FAM171B: variants seen among roughly 807,000 people sequenced by gnomAD.
The protein encoded by FAM171B is protein FAM171B.
Under a neutral mutation model 75.6 loss-of-function variants are expected in FAM171B, and 19 were observed. The ratio of observed to expected loss-of-function variants is 0.25; its 90% confidence interval spans 0.18 to 0.37. The LOEUF (loss-of-function observed/expected upper bound fraction) is 0.37, where lower values mean the gene tolerates loss of function less well. FAM171B is among the 10% of genes least tolerant of loss of function. The pLI, the probability that FAM171B is intolerant of heterozygous loss-of-function variation, is 1.00. For synonymous variants in FAM171B, 367 were observed against 361.7 expected (o/e 1.01, Z -0.17); for missense variants, 848 against 982.4 (o/e 0.86, Z 1.83).
chr2:186,751,389 A>G, intron 5 of FAM171B, 85 bp downstream of exon 5: 1 of 1,246,314 alleles, frequency 8.0e-7, no homozygotes, highest in South Asian at 2.4e-5. Context: ...AACTTGATAC[A>G]GCTCTAGTTT....
intron 6 of FAM171B, among the ~76,000 whole-genome samples, chr2:186,756,961 G>A (rs1690541520): frequency 1.3e-5 from 2 of 152,122 alleles, no homozygotes; most frequent in Non-Finnish European, 2.9e-5. Flanking sequence ...GGTCTGTAAA[G>A]GTCCTGTGTA....
In FAM171B at chr2:186,694,225, G is replaced by T. The variant is rs140891434; in HGVS notation, c.52G>T (p.Val18Leu). 6.0e-5 allele frequency: 96 copies of T among 1,610,406 alleles called. No homozygotes were observed. In the Middle Eastern group the frequency reaches 9.9e-4, roughly 17 times the overall value. Reference protein sequence around the residue: ...VPCTLLLGLAVVLLKARLVPA... With the variant: ...VPCTLLLGLALVLLKARLVPA... Reference sequence around the variant, plus strand: ...CTGCACCCTGCTTCTCGGCCTGGCCGTGGTGCTGCTGAAAGCGCGGCTGGT... The same window carrying T: ...CTGCACCCTGCTTCTCGGCCTGGCCTTGGTGCTGCTGAAAGCGCGGCTGGT... Residue 18 changes from valine (V) to leucine (L), a missense_variant, in exon 1 of 8, where the codon GTG becomes TTG. Physicochemically the swap from Val to Leu is conservative, Grantham distance 32 (BLOSUM62 1). Around this residue, in one of 3 missense-constraint regions of FAM171B, gnomAD observed 665 missense variants for 729.0 expected, o/e 0.91. Coordinates refer to ENST00000304698, the MANE Select transcript of FAM171B (RefSeq NM_177454.4).
intron 2 of FAM171B, among the ~76,000 whole-genome samples, chr2:186,741,662 C>G (rs1690289968): frequency 6.6e-6 from 1 of 152,042 alleles, no homozygotes; most frequent in Non-Finnish European, 1.5e-5. Context: ...AAATGATTAT[C>G]TTTAATATTG....
intron 1 of FAM171B, among the ~76,000 whole-genome samples, chr2:186,736,538 CTGTGTG>C (rs10660120): frequency 6.5e-5 from 8 of 122,978 alleles, no homozygotes; most frequent in African/African-American, 1.5e-4. Flanking sequence ...ATGTTTGTGG[CTGTGTG>C]TGTGTGTGTG....
chr2:186,754,556 G>C (rs1188998016), intron 6 of FAM171B, among the ~76,000 whole-genome samples: 2 of 152,080 alleles, frequency 1.3e-5, no homozygotes, highest in African/African-American at 4.8e-5. Flanking sequence ...ACCCTTTCCA[G>C]TATTTTCCTT....
At chr2:186,705,160 G>A (rs906494177) in intron 1 of FAM171B, among the ~76,000 whole-genome samples, 2 of 152,250 alleles carry the variant, frequency 1.3e-5, no homozygotes, top group Non-Finnish European at 2.9e-5. Flanking sequence ...CATAGGCAGA[G>A]AGTAGCAGCT....
rs534184415 is a variant in FAM171B at position 186,759,198 on chromosome 2, GT to G, written c.1013-1913del. The stretch of plus-strand genomic sequence containing the variant: ...TCACATTTTGTTTATCCATTCATCT[GT>G]TGATAGACACTTAGATCACTTTCAA... On this transcript the variant is annotated intron_variant, in intron 6 of 7. Transcript: ENST00000304698. 3.5e-4 allele frequency among the ~76,000 whole-genome samples: 54 copies of G among 152,236 alleles called. 1 individual carries two copies. The South Asian group carries it at 0.011, about 32-fold the overall frequency.
At chr2:186,706,759 C>G (rs190551221) in intron 1 of FAM171B, among the ~76,000 whole-genome samples, 22 of 152,312 alleles carry the variant, frequency 1.4e-4, no homozygotes, top group African/African-American at 4.8e-4. Context: ...ATGTTCCTAT[C>G]ATGGCTCTAA....
rs761807800 is a variant in FAM171B at position 186,694,128 on chromosome 2, G to T, written c.-46G>T. The stretch of plus-strand genomic sequence containing the variant: ...GCCCGCAGCCCTGGCGCCCGCCGCC[G>T]CCCGGAGCCCCGCAATATGCCGCCG... On this transcript the variant is annotated 5_prime_UTR_variant, in exon 1 of 8. Coordinates refer to ENST00000304698, the MANE Select transcript of FAM171B (RefSeq NM_177454.4). 2.8e-6 allele frequency: 4 copies of T among 1,452,330 alleles called. No homozygotes were observed. Among genetic ancestry groups the T allele is most frequent in the Non-Finnish European group, 3.6e-6 (4 of 1,111,442 alleles). The allele number at this position is 1,452,330 out of a possible 1,614,324, so 90.0% of individuals were successfully genotyped here.
chr2:186,733,125 C>G (rs554369487), intron 1 of FAM171B, among the ~76,000 whole-genome samples: 46 of 152,300 alleles, frequency 3.0e-4, no homozygotes, highest in African/African-American at 1.1e-3. Flanking sequence ...GACATGGCCT[C>G]TTACCATCTG....
intron 6 of FAM171B, among the ~76,000 whole-genome samples, chr2:186,759,083 C>T (rs1228174206): frequency 6.6e-6 from 1 of 152,092 alleles, no homozygotes; most frequent in African/African-American, 2.4e-5. Flanking sequence ...TTTCATTTAA[C>T]ACAATGTCCT....
At chr2:186,711,437 A>G (rs17406326) in intron 1 of FAM171B, among the ~76,000 whole-genome samples, 5,720 of 152,212 alleles carry the variant, frequency 0.038, 149 homozygotes, top group Non-Finnish European at 0.058. Flanking sequence ...ATATTTGATG[A>G]TGGAAATGGC....
chr2:186,702,168 T>C (rs543305576), intron 1 of FAM171B, among the ~76,000 whole-genome samples: 2 of 152,290 alleles, frequency 1.3e-5, no homozygotes, highest in South Asian at 4.1e-4. Context: ...TCATAGAGTG[T>C]ACTTACACAA....
intron 4 of FAM171B, among the ~76,000 whole-genome samples, chr2:186,748,772 T>C (rs1690409035): frequency 6.6e-6 from 1 of 152,204 alleles, no homozygotes; most frequent in African/African-American, 2.4e-5. Flanking sequence ...CTCAAATTAT[T>C]ATCTCAGGGT....
Position 186,723,973 on chromosome 2 carries a change from G to A in FAM171B, c.239-16255G>A, listed in dbSNP as rs186254958. 1.9e-3 allele frequency among the ~76,000 whole-genome samples: 291 copies of A among 152,326 alleles called. 1 individual carries two copies. Among genetic ancestry groups the A allele is most frequent in the African/African-American group, 6.6e-3 (276 of 41,566 alleles). On this transcript the variant is annotated intron_variant, in intron 1 of 7. Coordinates refer to ENST00000304698, the MANE Select transcript of FAM171B (RefSeq NM_177454.4). ...TATTTGAGGATACAGTAAATAAAAT[G>A]AGAATGTCCATGACCTTATAGAGTT...
At chr2:186,715,494 C>T (rs1186267904) in intron 1 of FAM171B, among the ~76,000 whole-genome samples, 1 of 152,178 alleles carries the variant, frequency 6.6e-6, no homozygotes, top group East Asian at 1.9e-4. Flanking sequence ...TGAGCCACCA[C>T]ACCTAGCTGG....
intron 6 of FAM171B, among the ~76,000 whole-genome samples, chr2:186,756,607 C>T (rs1690534049): frequency 1.3e-5 from 2 of 152,160 alleles, no homozygotes; most frequent in Non-Finnish European, 2.9e-5. Context: ...TCCACATGGC[C>T]TTTCCAGACA....
rs964301440 is a variant in FAM171B at position 186,760,189 on chromosome 2, C to G, written c.1013-924C>G. 1.8e-4 allele frequency among the ~76,000 whole-genome samples: 27 copies of G among 152,010 alleles called. 1 individual carries two copies. The highest frequency in any genetic ancestry group is 1.5e-3 in the Admixed American group (23 of 15,216). ...GCATTCATTTTTATGTTGAAATCATCCTAGTCAGCTTTTACTGCAGTAAAG... is the reference window on the plus strand; with the variant it reads ...GCATTCATTTTTATGTTGAAATCATGCTAGTCAGCTTTTACTGCAGTAAAG... On this transcript the variant is annotated intron_variant, in intron 6 of 7. Transcript: ENST00000304698.
intron 1 of FAM171B, among the ~76,000 whole-genome samples, chr2:186,697,700 C>T (rs1689602621): frequency 6.6e-6 from 1 of 152,162 alleles, no homozygotes; most frequent in Admixed American, 6.5e-5. Context: ...GGACTTTTCT[C>T]AGGCAAAATT....
Sources: allele counts gnomAD v4.1 joint callset (sites outside exome capture counted in the v4.1 genomes callset), GRCh38; gene constraint gnomAD v4.1.1; regional missense constraint gnomAD v4.1.1; transcripts MANE v1.5; gene names NCBI Gene and HGNC (gene_info 2026-07-23, HGNC 2026-07-21).